The following MEIS1 variants were observed in gnomAD, a reference collection of about 807,000 sequenced individuals.
MEIS1 encodes the protein homeobox protein Meis1.
A neutral mutation model predicts 50.8 loss-of-function variants in MEIS1; 5 were observed. That is an observed-to-expected ratio of 0.10 (90% confidence interval 0.05 to 0.21). The LOEUF (loss-of-function observed/expected upper bound fraction) is 0.21. Among genes scored for constraint, MEIS1 ranks in the 10% least tolerant of loss-of-function variants. The pLI is 1.00. For synonymous variants in MEIS1, 176 were observed against 179.3 expected, an observed-to-expected ratio of 0.98 and a Z score of 0.15; for missense variants, 318 against 517.3, an observed-to-expected ratio of 0.61 and a Z score of 3.74.
At chr2:66,441,138 C>A in intron 4 of MEIS1, 1 of 433,474 alleles carries the variant, frequency 2.3e-6, no homozygotes, top group Non-Finnish European at 4.0e-6. Context: ...TGGGGTGGGG[C>A]CAGTGGGACT....
chr2:66,480,530 A>G (rs1672991730), intron 7 of MEIS1, among the ~76,000 whole-genome samples: 2 of 152,246 alleles, frequency 1.3e-5, no homozygotes, highest in Non-Finnish European at 2.9e-5. Context: ...AGTAGTCACT[A>G]GAATTATTTA....
At chr2:66,554,729 C>T (rs968418778) in intron 9 of MEIS1, among the ~76,000 whole-genome samples, 8 of 152,028 alleles carry the variant, frequency 5.3e-5, no homozygotes, top group African/African-American at 9.7e-5. Flanking sequence ...GTAAAGTGTG[C>T]GCTCTGAAAC....
chr2:66,530,202 A>G (rs1423638545), intron 8 of MEIS1, among the ~76,000 whole-genome samples: 2 of 151,914 alleles, frequency 1.3e-5, no homozygotes, highest in Non-Finnish European at 2.9e-5. Flanking sequence ...AAAGCAAAAA[A>G]AAAAAAAGGA....
At chr2:66,452,394 T>A (rs894253755) in intron 6 of MEIS1, among the ~76,000 whole-genome samples, 6 of 151,978 alleles carry the variant, frequency 3.9e-5, no homozygotes, top group African/African-American at 1.4e-4. Flanking sequence ...GAATTCATCT[T>A]CATGAGATAA....
At chr2:66,554,321 T>G (rs2300478) in intron 9 of MEIS1, among the ~76,000 whole-genome samples, 32,341 of 152,136 alleles carry the variant, frequency 0.21, 3,676 homozygotes, top group East Asian at 0.28. Flanking sequence ...GTTTTCAGTG[T>G]GTCTGTAAGT....
intron 8 of MEIS1, among the ~76,000 whole-genome samples, chr2:66,538,877 GT>G (rs558550716): frequency 0.012 from 1,781 of 151,536 alleles, 35 homozygotes; most frequent in African/African-American, 0.041. Context: ...CCTTAAAAGA[GT>G]TTTTTTTTTT....
chr2:66,493,015 C>CT (rs1212723166), intron 7 of MEIS1, among the ~76,000 whole-genome samples: 3 of 152,126 alleles, frequency 2.0e-5, no homozygotes, highest in African/African-American at 7.2e-5. Flanking sequence ...CTCAGGTGGC[C>CT]TTTAAATTTG....
At chr2:66,471,558 T>C (rs1672761149) in intron 7 of MEIS1, among the ~76,000 whole-genome samples, 1 of 152,246 alleles carries the variant, frequency 6.6e-6, no homozygotes, top group Non-Finnish European at 1.5e-5. Flanking sequence ...ATACACCAAT[T>C]CTTTTATTTT....
At position 66,552,956 on chromosome 2, in the gene MEIS1, C is replaced by T. The variant is rs567967313; in HGVS notation, c.965+4937C>T. ...CAACATAATTTAATAATACATTTTA[C>T]AGATGTTGTTTGAATATTAGACACA... On this transcript the variant is annotated intron_variant, in intron 9 of 12. Transcript: ENST00000272369. Among the ~76,000 whole-genome samples the T allele has an allele frequency of 5.9e-5, 9 of 152,102 alleles. No individual in the cohort carries two copies. The South Asian group carries it at 1.2e-3, about 21-fold the overall frequency.
At chr2:66,509,089 T>A (rs757151999) in intron 7 of MEIS1, 6 of 470,896 alleles carry the variant, frequency 1.3e-5, no homozygotes, top group South Asian at 9.3e-5. Context: ...TTGAGGTGAC[T>A]ATATCAAATT....
In MEIS1 at chr2:66,438,112, G is replaced by T. The variant is rs544100302; in HGVS notation, c.239+149G>T. On this transcript the variant is annotated intron_variant, in intron 2 of 12. Transcript: ENST00000272369. ...CACATTTCATGGATAATTTGGGGAGGTGGCCTGCCATCCCTGAAGCCCTAC... is the reference window on the plus strand; with the variant it reads ...CACATTTCATGGATAATTTGGGGAGTTGGCCTGCCATCCCTGAAGCCCTAC... 40 of 764,756 alleles carry T rather than the reference G, an allele frequency of 5.2e-5. 1 individual carries two copies. In the South Asian group the frequency reaches 7.1e-4, roughly 14 times the overall value. The allele number at this position is 764,756 out of a possible 1,614,324, so 47.4% of individuals were successfully genotyped here.
intron 8 of MEIS1, among the ~76,000 whole-genome samples, chr2:66,524,551 C>G (rs1484614127): frequency 6.7e-6 from 1 of 150,254 alleles, no homozygotes; most frequent in Non-Finnish European, 1.5e-5. Context: ...AGAGTGGGAC[C>G]CTGTCTCAAA....
chr2:66,570,867 T>C, intron 12 of MEIS1: 1 of 204,028 alleles, frequency 4.9e-6, no homozygotes, highest in Non-Finnish European at 9.6e-6. Flanking sequence ...TTAGTGAGCC[T>C]GTGTAGTTCA....
chr2:66,450,116 T>C (rs1182858682), intron 6 of MEIS1, among the ~76,000 whole-genome samples: 2 of 152,184 alleles, frequency 1.3e-5, no homozygotes, highest in African/African-American at 4.8e-5. Flanking sequence ...TTATGGTTTT[T>C]CCATGACATA....
At chr2:66,447,820 T>C (rs868748474) in intron 6 of MEIS1, among the ~76,000 whole-genome samples, 12 of 152,024 alleles carry the variant, frequency 7.9e-5, no homozygotes, top group African/African-American at 2.9e-4. Context: ...GTAGCTTCCC[T>C]CTCTCTCTGT....
At chr2:66,478,958 G>T (rs952485808) in intron 7 of MEIS1, among the ~76,000 whole-genome samples, 1 of 152,176 alleles carries the variant, frequency 6.6e-6, no homozygotes, top group African/African-American at 2.4e-5. Flanking sequence ...TCTTATGACC[G>T]CAATGGTGGG....
At chr2:66,437,263 G>C (rs1303559365) in intron 1 of MEIS1, 5 of 155,556 alleles carry the variant, frequency 3.2e-5, no homozygotes, top group East Asian at 1.9e-4. Context: ...CGTGCTTTGC[G>C]TAGCTGTTCC....
At chr2:66,540,663 A>G (rs77845871) in intron 8 of MEIS1, among the ~76,000 whole-genome samples, 3,646 of 152,284 alleles carry the variant, frequency 0.024, 157 homozygotes, top group African/African-American at 0.081. Flanking sequence ...GAGAGAATCA[A>G]TATTCAGAGG....
chr2:66,529,063 A>G (rs544642728), intron 8 of MEIS1, among the ~76,000 whole-genome samples: 15 of 152,014 alleles, frequency 9.9e-5, no homozygotes, highest in African/African-American at 3.6e-4. Flanking sequence ...ACTTTCCTCC[A>G]CATCCTTCAC....
Sources: allele counts gnomAD v4.1 joint callset (sites outside exome capture counted in the v4.1 genomes callset), GRCh38; gene constraint gnomAD v4.1.1; transcripts MANE v1.5; gene names NCBI Gene and HGNC (gene_info 2026-07-23, HGNC 2026-07-21).